The following COL5A3 variants were observed in gnomAD, a reference collection of about 807,000 sequenced individuals.
The protein encoded by COL5A3 is collagen type V alpha 3 chain.
Under a neutral mutation model 250.0 loss-of-function variants are expected in COL5A3, and 172 were observed. That is an observed-to-expected ratio of 0.69 (90% CI 0.61 to 0.78). The LOEUF is 0.78. COL5A3 is among the 30% of genes least tolerant of loss of function. COL5A3 has a pLI of 0.00. For synonymous variants in COL5A3, 937 were observed against 900.4 expected, an observed-to-expected ratio of 1.04 and a Z score of -0.73; for missense variants, 2,340 against 2,334.4, an observed-to-expected ratio of 1.00 and a Z score of -0.05.
At position 9,962,802 on chromosome 19, in the gene COL5A3, C is replaced by T. The variant is rs112341845; in HGVS notation, c.4851+17G>A. 2.7e-3 allele frequency: 4,297 copies of T among 1,600,986 alleles called. 56 individuals are homozygous for T. The African/African-American group carries it at 0.045, about 17-fold the overall frequency. On this transcript the variant is annotated intron_variant, in intron 65 of 66. Coordinates refer to ENST00000264828, the MANE Select transcript of COL5A3 (RefSeq NM_015719.4). ...TCAATTTTCATGTCACTCCCCATCT[C>T]GGCCTCGGTGACTCACCTTCTTCCC... is the stretch of plus-strand genomic sequence containing the variant.
intron 47 of COL5A3, 31 bp downstream of exon 47, chr19:9,974,139 TC>T: frequency 3.1e-6 from 5 of 1,603,514 alleles, no homozygotes; most frequent in Non-Finnish European, 4.3e-6. Context: ...CCCACCATCC[TC>T]CCCCTCCCAC....
chr19:9,973,105 T>C (rs747156722), intron 50 of COL5A3, 79 bp from the exon 51 acceptor site: 3 of 1,306,046 alleles, frequency 2.3e-6, no homozygotes, highest in East Asian at 2.5e-5. Flanking sequence ...ATTCAGGCAT[T>C]GGGGTGGTCT....
At position 9,960,646 on chromosome 19, in the gene COL5A3, C is replaced by T. The variant is rs1345798013; in HGVS notation, c.5091+5G>A. 1 of 1,613,992 alleles carries T rather than the reference C, an allele frequency of 6.2e-7. No individual in the cohort carries two copies. The highest frequency in any genetic ancestry group is 8.5e-7 in the Non-Finnish European group (1 of 1,180,028). ...CTCTAGCTGGCCACTGCCCCACCCT[C>T]TTACCCGGCAGCCATCCTGGGGGAC... On this transcript the variant is annotated splice_donor_5th_base_variant and intron_variant, in intron 66 of 66. Transcript: ENST00000264828.
chr19:9,978,514 T>G (rs1032834122), intron 41 of COL5A3, 60 bp downstream of exon 41: 6 of 1,149,812 alleles, frequency 5.2e-6, no homozygotes, highest in Non-Finnish European at 7.8e-6. Context: ...ATGTCAAGCT[T>G]CCAAGACACC....
At chr19:9,973,694 C>T (rs1011574616) in intron 49 of COL5A3, 62 bp downstream of exon 49, 1 of 1,612,032 alleles carries the variant, frequency 6.2e-7, no homozygotes, top group South Asian at 1.1e-5. Context: ...CCAGAATGTC[C>T]CTGCCCAATA....
At position 10,001,515 on chromosome 19, in the gene COL5A3, G is replaced by A. The variant is rs1474222517; in HGVS notation, c.1110+9C>T. 6.2e-7 allele frequency: 1 copy of A among 1,613,296 alleles called. No individual in the cohort carries two copies. Among genetic ancestry groups the A allele is most frequent in the Non-Finnish European group, 8.5e-7 (1 of 1,179,748 alleles). ...TCTTGCACCTAACCCCAGCCACCTA[G>A]AAACTCACAGGAAAGATCTGGAACT... is the stretch of plus-strand genomic sequence containing the variant. On this transcript the variant is annotated intron_variant, in intron 8 of 66. Coordinates refer to ENST00000264828, the MANE Select transcript of COL5A3 (RefSeq NM_015719.4).
Position 9,979,256 on chromosome 19 carries a change from C to T in COL5A3, c.2767-17G>A, listed in dbSNP as rs1265776038. On this transcript the variant is annotated splice_polypyrimidine_tract_variant and intron_variant, in intron 38 of 66. Coordinates refer to ENST00000264828, the MANE Select transcript of COL5A3 (RefSeq NM_015719.4). ...TGTCTTTCCCTGGTGAGGAAGAAGG[C>T]TCCTGTTGAGTGGGGGTGGCCTAGG... 1.9e-6 allele frequency: 3 copies of T among 1,606,058 alleles called. No homozygotes were observed. Among genetic ancestry groups the T allele is most frequent in the East Asian group, 4.5e-5 (2 of 44,828 alleles).
At chr19:10,010,106 C>G (rs916665666) in intron 1 of COL5A3, among the ~76,000 whole-genome samples, 192 bp downstream of exon 1, 2 of 151,656 alleles carry the variant, frequency 1.3e-5, no homozygotes, top group African/African-American at 4.8e-5. Context: ...TCACACATCC[C>G]CACCCCCACC....
intron 37 of COL5A3, 143 bp downstream of exon 37, chr19:9,979,696 G>A: frequency 1.2e-6 from 1 of 822,966 alleles, no homozygotes; most frequent in Non-Finnish European, 1.9e-6. Flanking sequence ...TGAGGCAGGA[G>A]AATTGCTTGA....
intron 4 of COL5A3, among the ~76,000 whole-genome samples, chr19:10,004,936 G>A (rs2087420163): frequency 6.6e-6 from 1 of 152,164 alleles, no homozygotes; most frequent in African/African-American, 2.4e-5. Context: ...AACAAGCCAA[G>A]TAGGCGCTGT....
chr19:9,970,126 T>TG (rs1224204375), intron 54 of COL5A3, among the ~76,000 whole-genome samples: 2 of 19,380 alleles, frequency 1.0e-4, no homozygotes, highest in South Asian at 2.0e-3. Context: ...GTGGAGGCTG[T>TG]GGGTGAGTGG....
chr19:9,978,261 C>T (rs1465092477), intron 41 of COL5A3, among the ~76,000 whole-genome samples: 1 of 151,970 alleles, frequency 6.6e-6, no homozygotes, highest in Non-Finnish European at 1.5e-5. Context: ...AGGAATACAA[C>T]GGCCCAGCCA....
chr19:9,992,477 G>A (rs2087208885), intron 21 of COL5A3, among the ~76,000 whole-genome samples: 1 of 151,722 alleles, frequency 6.6e-6, no homozygotes, highest in Non-Finnish European at 1.5e-5. Context: ...CATGCAGAAG[G>A]CAGAAAAGCG....
In COL5A3 at chr19:9,972,998, C is replaced by T; in HGVS notation, c.3695G>A (p.Gly1232Glu). The T allele has an allele frequency of 6.2e-7, 1 of 1,610,560 alleles. No homozygotes were observed. Among genetic ancestry groups the T allele is most frequent in the South Asian group, 1.1e-5 (1 of 89,868 alleles). The change falls in exon 51 of 67, where the codon GGG (glycine) becomes GAG (glutamate). Residue 1232 changes from glycine (G) to glutamate (E), a missense_variant. Physicochemically the swap from Gly to Glu is moderately conservative, Grantham distance 98 (BLOSUM62 -2). Transcript: ENST00000264828. ...AGCAGCTCCAGATGGGCCTGAGTCC[C>T]CCTTTTCACCAATGTCTCCCTTGGG... ...PGPKGDIGEK[G>E]DSGPSGAAGP...
chr19:9,999,702 G>A (rs1411734617), intron 8 of COL5A3, among the ~76,000 whole-genome samples: 1 of 152,000 alleles, frequency 6.6e-6, no homozygotes, highest in East Asian at 1.9e-4. Flanking sequence ...TCCTGACCTC[G>A]TGATCAGCCC....
chr19:9,999,473 T>TTC (rs2087325934), intron 8 of COL5A3, among the ~76,000 whole-genome samples: 2 of 145,060 alleles, frequency 1.4e-5, no homozygotes, highest in Non-Finnish European at 3.0e-5. Context: ...TTTTTTCTTT[T>TTC]TTTTTTTTTT....
intron 6 of COL5A3, among the ~76,000 whole-genome samples, chr19:10,002,310 C>G (rs1487462183): frequency 6.6e-6 from 1 of 151,850 alleles, no homozygotes; most frequent in African/African-American, 2.4e-5. Flanking sequence ...TGGTGGGGTC[C>G]CAGGTGAGGG....
Position 9,989,163 on chromosome 19 carries a change from C to T in COL5A3, c.2106G>A (p.Ser702=), listed in dbSNP as rs62638742. 1.3e-5 allele frequency: 21 copies of T among 1,614,116 alleles called. No homozygotes were observed. The African/African-American group carries it at 1.9e-4, about 14-fold the overall frequency. Residue 702 remains serine, a synonymous_variant, in exon 27 of 67, where the codon TCG becomes TCA. Transcript: ENST00000264828. The part of the protein sequence containing the change: ...GEKGAQGPPG[S]AGPPGYPGPR... ...GTCCAGGATAGCCCGGAGGGCCTGC[C>T]GACCCTGGTGGACCCTGGGAGGAAA...
intron 54 of COL5A3, among the ~76,000 whole-genome samples, 196 bp downstream of exon 54, chr19:9,970,426 G>GGTGAGTGGGGGCTGTGGA (rs2086824211): frequency 3.1e-5 from 2 of 65,328 alleles, no homozygotes; most frequent in Non-Finnish European, 6.1e-5. Context: ...GGGGCTGTAA[G>GGTGAGTGGGGGCTGTGGA]GTGAGTGGGG....
Sources: allele counts gnomAD v4.1 joint callset (sites outside exome capture counted in the v4.1 genomes callset), GRCh38; gene constraint gnomAD v4.1.1; transcripts MANE v1.5; gene names NCBI Gene and HGNC (gene_info 2026-07-23, HGNC 2026-07-21).